RERE: variants seen among roughly 807,000 people sequenced by gnomAD.
The protein encoded by RERE is arginine-glutamic acid dipeptide repeats, also known as arginine-glutamic acid dipeptide repeats protein.
A neutral mutation model predicts 146.1 loss-of-function variants in RERE; 40 were observed. That is an observed-to-expected ratio of 0.27 (90% confidence interval 0.21 to 0.36). RERE has a LOEUF of 0.36. Among genes scored for constraint, RERE ranks in the 10% least tolerant of loss-of-function variants. RERE has a pLI of 1.00. For synonymous variants in RERE, 1,003 were observed against 866.0 expected (o/e 1.16, Z -2.78); for missense variants, 1,933 against 2,138.7 (o/e 0.90, Z 1.90).
intron 12 of RERE, among the ~76,000 whole-genome samples, chr1:8,403,045 C>T (rs778617046): frequency 3.3e-5 from 5 of 152,056 alleles, no homozygotes; most frequent in South Asian, 2.1e-4. Flanking sequence ...ACTACAGGCG[C>T]GCACCACCAC....
chr1:8,501,466 AG>A (rs1433395405), intron 8 of RERE, among the ~76,000 whole-genome samples: 10 of 42,624 alleles, frequency 2.3e-4, no homozygotes, highest in South Asian at 7.8e-4. Context: ...GGAAGTGAGG[AG>A]CCCCTCTGCC....
chr1:8,638,111 G>A (rs368500745), intron 2 of RERE, among the ~76,000 whole-genome samples: 6 of 152,046 alleles, frequency 3.9e-5, no homozygotes, highest in Non-Finnish European at 5.9e-5. Context: ...TTTAATGTAC[G>A]AAAGCAACAT....
chr1:8,372,043 G>C (rs1642056891), intron 12 of RERE, among the ~76,000 whole-genome samples: 1 of 152,220 alleles, frequency 6.6e-6, no homozygotes, highest in Admixed American at 6.5e-5. Context: ...GAATGCTACG[G>C]GAAGAGAACC....
chr1:8,756,517 A>G (rs1286221475), intron 1 of RERE, among the ~76,000 whole-genome samples: 1 of 152,218 alleles, frequency 6.6e-6, no homozygotes, highest in African/African-American at 2.4e-5. Context: ...CAAAATGAGA[A>G]CCATATTTCT....
chr1:8,501,752 A>G (rs1420173848), intron 8 of RERE, among the ~76,000 whole-genome samples: 1 of 114,294 alleles, frequency 8.7e-6, no homozygotes, highest in Non-Finnish European at 1.8e-5. Flanking sequence ...CCCGTCCGGG[A>G]GGGAGGTGGG....
intron 1 of RERE, among the ~76,000 whole-genome samples, chr1:8,789,072 G>A (rs1214781723): frequency 6.6e-6 from 1 of 151,504 alleles, no homozygotes; most frequent in South Asian, 2.1e-4. Context: ...AACAGAATAT[G>A]TGAACTATTA....
chr1:8,453,405 C>T (rs1301416579), intron 11 of RERE, among the ~76,000 whole-genome samples: 1 of 152,170 alleles, frequency 6.6e-6, no homozygotes, highest in African/African-American at 2.4e-5. Context: ...GAGATCACCA[C>T]AGATCAAAGC....
At chr1:8,651,430 A>G (rs1449971577) in intron 2 of RERE, among the ~76,000 whole-genome samples, 1 of 152,090 alleles carries the variant, frequency 6.6e-6, no homozygotes, top group Non-Finnish European at 1.5e-5. Context: ...CTAGTAATCC[A>G]TTGAAGATAT....
chr1:8,527,730 G>A lies in RERE; in HGVS notation c.830+13484C>T, dbSNP rs576559856. Among the ~76,000 whole-genome samples the A allele has an allele frequency of 8.5e-5, 13 of 152,232 alleles. No homozygotes were observed. The East Asian group carries it at 2.1e-3, about 25-fold the overall frequency. On this transcript the variant is annotated intron_variant, in intron 7 of 22. Coordinates refer to ENST00000400908, the MANE Select transcript of RERE (RefSeq NM_001042681.2). ...CCTCTTCATTGTCTTTCCTGGTGCT[G>A]GCATCTCACAGTTGGCTTCACATGC... is the stretch of plus-strand genomic sequence containing the variant.
intron 4 of RERE, among the ~76,000 whole-genome samples, chr1:8,582,387 T>C (rs116752552): frequency 0.017 from 2,560 of 148,522 alleles, 39 homozygotes; most frequent in Non-Finnish European, 0.028. Flanking sequence ...TTTTTTTTTT[T>C]CTCTCTCTTT....
rs182316409 is a variant in RERE, at chr1:8,692,093, G to A, written c.-144-35652C>T. On this transcript the variant is annotated intron_variant, in intron 1 of 22. Coordinates refer to ENST00000400908, the MANE Select transcript of RERE (RefSeq NM_001042681.2). ...GATCTAGCAAATAAGGACCTTAGCA[G>A]AATGGGTTTATTTCTAAAAACTGAA... Among the ~76,000 whole-genome samples, 341 of 152,260 alleles carry A rather than the reference G, an allele frequency of 2.2e-3. 1 individual carries two copies. The highest frequency in any genetic ancestry group is 8.0e-3 in the African/African-American group (331 of 41,568).
In RERE at chr1:8,358,409, T is replaced by G. The variant is rs1397892791; in HGVS notation, c.4126A>C (p.Arg1376=). 8.1e-6 allele frequency: 13 copies of G among 1,603,200 alleles called. No individual in the cohort carries two copies. The highest frequency in any genetic ancestry group is 1.1e-5 in the Non-Finnish European group (13 of 1,172,956). The change falls in exon 20 of 23, where the codon AGG becomes CGG. Residue 1376 remains arginine (R), a synonymous_variant. Transcript: ENST00000400908. ...SFHPGLNPLE[R]ERLALAGPQL... ...GGGCCCGCCAGGGCCAGTCTCTCCC[T>G]CTCCAAGGGGTTCAGGCCCGGGTGG... is the stretch of plus-strand genomic sequence containing the variant.
intron 1 of RERE, among the ~76,000 whole-genome samples, chr1:8,799,143 G>A (rs1232955681): frequency 1.3e-5 from 2 of 151,024 alleles, no homozygotes; most frequent in South Asian, 2.1e-4. Flanking sequence ...ACAGGAACCC[G>A]CCACCACGTC....
chr1:8,617,444 G>C (rs1646867698), intron 3 of RERE, among the ~76,000 whole-genome samples: 1 of 151,916 alleles, frequency 6.6e-6, no homozygotes, highest in African/African-American at 2.4e-5. Context: ...TTGGTCCTTG[G>C]ATATAATAGC....
intron 2 of RERE, among the ~76,000 whole-genome samples, chr1:8,647,426 A>G (rs189777260): frequency 1.4e-4 from 20 of 147,598 alleles, no homozygotes; most frequent in African/African-American, 5.1e-4. Flanking sequence ...CACATGTCGG[A>G]AAAAAAACAT....
At chr1:8,785,165 T>C (rs144584597) in intron 1 of RERE, among the ~76,000 whole-genome samples, 29 of 152,270 alleles carry the variant, frequency 1.9e-4, no homozygotes, top group African/African-American at 6.5e-4. Context: ...TGAGAAACCA[T>C]AGAAGAGATG....
intron 7 of RERE, among the ~76,000 whole-genome samples, chr1:8,540,712 A>G (rs898823264): frequency 9.9e-5 from 15 of 152,238 alleles, no homozygotes; most frequent in Admixed American, 1.3e-4. Flanking sequence ...AGATGTTTTG[A>G]GAACTTGATG....
chr1:8,794,683 G>A (rs534158966), intron 1 of RERE, among the ~76,000 whole-genome samples: 1 of 151,760 alleles, frequency 6.6e-6, no homozygotes, highest in East Asian at 2.0e-4. Context: ...GATTGCATAA[G>A]CCCAAAAATT....
intron 1 of RERE, among the ~76,000 whole-genome samples, chr1:8,679,962 A>G (rs988950572): frequency 2.6e-5 from 4 of 152,160 alleles, no homozygotes; most frequent in Admixed American, 2.6e-4. Flanking sequence ...TGTTTTATAA[A>G]ATTCTCTAAA....
Sources: gnomAD v4.1 joint callset for allele counts (sites outside exome capture counted in the v4.1 genomes callset) on GRCh38, gnomAD v4.1.1 for gene constraint, MANE v1.5 for transcripts, NCBI Gene and HGNC (gene_info 2026-07-23, HGNC 2026-07-21) for gene names.